Variants in STARD8 observed in about 807,000 individuals in gnomAD.
The protein encoded by STARD8 is stAR-related lipid transfer protein 8.
Under a neutral mutation model 69.4 loss-of-function variants are expected in STARD8, and 25 were observed. The ratio of observed to expected loss-of-function variants is 0.36; its 90% CI spans 0.26 to 0.50. The LOEUF (loss-of-function observed/expected upper bound fraction) is 0.50. STARD8 is among the 20% of genes least tolerant of loss of function. The pLI is 0.96. For synonymous variants in STARD8, 389 were observed against 374.6 expected, an observed-to-expected ratio of 1.04 and a Z score of -0.45; for missense variants, 921 against 932.5, an observed-to-expected ratio of 0.99 and a Z score of 0.16.
intron 12 of STARD8, among the ~76,000 whole-genome samples, chrX:68,722,967 C>T (rs909798203): frequency 2.7e-5 from 3 of 112,654 alleles, no homozygotes; most frequent in African/African-American, 9.7e-5. Context: ...TGCATTTGCA[C>T]CTTTGTGCGG....
chrX:68,704,807 C>A (rs746834750), intron 2 of STARD8, among the ~76,000 whole-genome samples: 3 of 111,617 alleles, frequency 2.7e-5, no homozygotes, highest in African/African-American at 9.8e-5. Flanking sequence ...GCATCACACA[C>A]ACCTCTGCTG....
chrX:68,669,276 G>T (rs1297402826), intron 2 of STARD8, among the ~76,000 whole-genome samples: 1 of 112,151 alleles, frequency 8.9e-6, no homozygotes, highest in African/African-American at 3.2e-5. Flanking sequence ...GGAAGCTCCA[G>T]GTTCCAGTTT....
At chrX:68,683,392 A>G (rs1175948970) in intron 2 of STARD8, among the ~76,000 whole-genome samples, 2 of 112,273 alleles carry the variant, frequency 1.8e-5, no homozygotes, top group Non-Finnish European at 3.8e-5. Context: ...ATATATGATG[A>G]TTAAATCATA....
At position 68,724,403 on chromosome X, in the gene STARD8, G is replaced by A. The variant is rs1247033383; in HGVS notation, c.3293G>A (p.Gly1098Asp). Residue 1098 changes from glycine to aspartate, a missense_variant, in exon 15 of 15, where the codon GGC becomes GAC. Gly to Asp is a moderately conservative substitution (Grantham distance 94, BLOSUM62 -1). Transcript: ENST00000374599. ...TCCTTCCCCACCCTGCAGGCAGCGG[G>A]CCCTGAGACAAAGCTGTGAGCCTTG... ...RDSFPTLQAAGPETKL is the reference protein window; with the variant it reads ...RDSFPTLQAADPETKL 15 of 1,202,694 alleles carry A rather than the reference G, an allele frequency of 1.2e-5. No homozygotes were observed. The highest frequency in any genetic ancestry group is 1.8e-5 in the African/African-American group (1 of 57,127).
rs189217171 is a variant in STARD8, at chrX:68,647,966, G to A, written c.45+39G>A. The A allele has an allele frequency of 9.1e-4, 1,077 of 1,179,760 alleles. 15 individuals are homozygous for A. The East Asian group carries it at 0.026, about 29-fold the overall frequency. The stretch of plus-strand genomic sequence containing the variant: ...CAGCCCCAGCCCATCCCGCTGCTCA[G>A]GGGGGAAGGAGGCAGATGTGGACCA... On this transcript the variant is annotated intron_variant, in intron 1 of 14. Transcript: ENST00000374599.
intron 2 of STARD8, 46 bp from the exon 3 acceptor site, chrX:68,712,868 C>T (rs992898453): frequency 2.6e-6 from 3 of 1,159,017 alleles, no homozygotes; most frequent in African/African-American, 1.8e-5. Flanking sequence ...TCAGCACCCT[C>T]CTAACCCCAT....
chrX:68,724,279 A>G (rs978548591), intron 14 of STARD8, 26 bp from the exon 15 acceptor site: 3 of 1,200,128 alleles, frequency 2.5e-6, no homozygotes, highest in Admixed American at 2.2e-5. Context: ...TCCATTGCTC[A>G]TGCCTGGTTT....
chrX:68,693,968 G>C (rs2079898814), intron 2 of STARD8: 2 of 429,772 alleles, frequency 4.7e-6, no homozygotes, highest in Non-Finnish European at 5.8e-6. Flanking sequence ...AAGAGACAGG[G>C]AGGAAGCGAG....
rs141806285 is a variant in STARD8 at position 68,697,112 on chromosome X, A to G, written c.80-15802A>G. Among the ~76,000 whole-genome samples the G allele has an allele frequency of 8.1e-3, 908 of 112,021 alleles. 3 individuals are homozygous for G. The highest frequency in any genetic ancestry group is 0.019 in the African/African-American group (594 of 30,772). ...AAACCTTATCAGTTCATCTATACAT[A>G]TTTCAATACGTATTTCTAAAAGATA... On this transcript the variant is annotated intron_variant, in intron 2 of 14. Coordinates refer to ENST00000374599, the MANE Select transcript of STARD8 (RefSeq NM_001142503.3).
At chrX:68,652,076 T>C (rs1288120253) in intron 1 of STARD8, among the ~76,000 whole-genome samples, 3 of 107,762 alleles carry the variant, frequency 2.8e-5, no homozygotes, top group Non-Finnish European at 5.8e-5. Flanking sequence ...CAGGCTGGTC[T>C]CGAGCTCCTA....
At chrX:68,649,779 A>C (rs899190611) in intron 1 of STARD8, among the ~76,000 whole-genome samples, 2 of 111,251 alleles carry the variant, frequency 1.8e-5, no homozygotes, top group African/African-American at 6.5e-5. Flanking sequence ...GGCTGATTTC[A>C]GCATAATAGG....
intron 2 of STARD8, among the ~76,000 whole-genome samples, chrX:68,666,848 C>T (rs1430255890): frequency 8.9e-6 from 1 of 112,306 alleles, no homozygotes; most frequent in Non-Finnish European, 1.9e-5. Context: ...GGTCTGTGCA[C>T]TGCCCATACT....
At chrX:68,708,643 G>T (rs2080026599) in intron 2 of STARD8, among the ~76,000 whole-genome samples, 1 of 111,699 alleles carries the variant, frequency 9.0e-6, no homozygotes, top group Non-Finnish European at 1.9e-5. Flanking sequence ...GGTCATCTGG[G>T]CCCCTCCCCC....
At chrX:68,699,754 A>AG (rs2147912898) in intron 2 of STARD8, among the ~76,000 whole-genome samples, 1 of 112,013 alleles carries the variant, frequency 8.9e-6, no homozygotes, top group South Asian at 3.8e-4. Flanking sequence ...TTATAGTCTG[A>AG]ACTTGTTCAG....
At chrX:68,691,696 A>C (rs898060292) in intron 2 of STARD8, among the ~76,000 whole-genome samples, 1 of 112,039 alleles carries the variant, frequency 8.9e-6, no homozygotes, top group African/African-American at 3.2e-5. Flanking sequence ...CCTTCTAAGT[A>C]TTTATAGCAG....
chrX:68,661,697 C>T (rs930421870), intron 1 of STARD8, among the ~76,000 whole-genome samples: 3 of 111,594 alleles, frequency 2.7e-5, no homozygotes, highest in African/African-American at 9.8e-5. Flanking sequence ...AGTTGCCAGG[C>T]CAGAAACATT....
chrX:68,653,002 C>T (rs2079567233), intron 1 of STARD8, among the ~76,000 whole-genome samples: 1 of 67,254 alleles, frequency 1.5e-5, no homozygotes, highest in Non-Finnish European at 2.8e-5. Flanking sequence ...ACACACCACA[C>T]ACACACCACC....
chrX:68,722,111 G>A lies in STARD8; in HGVS notation c.2524G>A (p.Ala842Thr). The change falls in exon 11 of 15, where the codon GCC (alanine) becomes ACC (threonine). Residue 842 changes from alanine to threonine, a missense_variant. Coordinates refer to ENST00000374599, the MANE Select transcript of STARD8 (RefSeq NM_001142503.3). ...GPRDLSDNMA[A>T]TQGLSHMISD... ...TAGGGACCTGAGTGACAACATGGCA[G>A]CCACCCAGGGCCTGTCGCACATGAT... The A allele has an allele frequency of 1.7e-6, 2 of 1,207,164 alleles. No homozygotes were observed. The highest frequency in any genetic ancestry group is 2.2e-6 in the Non-Finnish European group (2 of 892,233).
chrX:68,650,012 C>A (rs2079536865), intron 1 of STARD8, among the ~76,000 whole-genome samples: 1 of 111,181 alleles, frequency 9.0e-6, no homozygotes, highest in Non-Finnish European at 1.9e-5. Context: ...GCACCTCTGT[C>A]CCCTACCCCA....
Sources: allele counts gnomAD v4.1 joint callset (sites outside exome capture counted in the v4.1 genomes callset), GRCh38; gene constraint gnomAD v4.1.1; transcripts MANE v1.5; gene names NCBI Gene and HGNC (gene_info 2026-07-23, HGNC 2026-07-21).